Variants in FERMT3 observed in about 807,000 individuals in gnomAD.
The protein encoded by FERMT3 is FERM domain containing kindlin 3, also known as fermitin family homolog 3.
Under a neutral mutation model 80.8 loss-of-function variants are expected in FERMT3, and 33 were observed. The ratio of observed to expected loss-of-function variants is 0.41; its 90% confidence interval spans 0.31 to 0.55. The LOEUF (loss-of-function observed/expected upper bound fraction) is 0.55, where lower values mean the gene tolerates loss of function less well. Among genes scored for constraint, FERMT3 ranks in the 20% least tolerant of loss-of-function variants. FERMT3 has a pLI of 0.31. For missense variants in FERMT3, 754 were observed against 908.7 expected (o/e 0.83, Z 2.19); for synonymous variants, 375 against 372.2 (o/e 1.01, Z -0.09).
At chr11:64,220,123 T>C (rs1946645201) in intron 10 of FERMT3, 97 bp from the exon 11 acceptor site, 2 of 1,576,194 alleles carry the variant, frequency 1.3e-6, no homozygotes, top group African/African-American at 2.7e-5. Context: ...GAAGATGCCC[T>C]CTGTCCTGAG....
intron 6 of FERMT3, among the ~76,000 whole-genome samples, chr11:64,214,119 T>C (rs925759469): frequency 6.6e-6 from 1 of 152,062 alleles, no homozygotes; most frequent in Non-Finnish European, 1.5e-5. Flanking sequence ...AGAGTAACTA[T>C]GATTATTTTT....
chr11:64,211,755 G>A lies in FERMT3; in HGVS notation c.786+8G>A, dbSNP rs376909061. On this transcript the variant is annotated splice_region_variant and intron_variant, in intron 6 of 14. Transcript: ENST00000345728. The surrounding 1 kb of genome is among the most constrained non-coding windows in gnomAD (Gnocchi z 4.7). Reference sequence around the variant, plus strand: ...TTCGATTTGGATCCCAAGGTGGGTCGGGGCAGGGAGAAAGCGGGCCTCAGG... The same window carrying A: ...TTCGATTTGGATCCCAAGGTGGGTCAGGGCAGGGAGAAAGCGGGCCTCAGG... The A allele has an allele frequency of 1.5e-5, 25 of 1,613,796 alleles. No individual in the cohort carries two copies. The highest frequency in any genetic ancestry group is 8.3e-5 in the Admixed American group (5 of 60,006).
rs148559713 is a variant in FERMT3 at position 64,223,066 on chromosome 11, A to G, written c.1689A>G (p.Lys563=). 1.2e-6 allele frequency: 2 copies of G among 1,613,592 alleles called. No homozygotes were observed. The highest frequency in any genetic ancestry group is 1.7e-6 in the Non-Finnish European group (2 of 1,180,040). Residue 563 remains lysine, a synonymous_variant, in exon 14 of 15, where the codon AAA becomes AAG. Transcript: ENST00000345728. The part of the protein sequence containing the change: ...YVMVRFKGSR[K]DEILGIANNR... ...GGGCCAGGTTCAAGGGCAGCAGGAA[A>G]GACGAGATCCTGGGCATCGCCAACA...
In FERMT3 at chr11:64,211,851, C is replaced by A. The variant is rs185358836; in HGVS notation, c.786+104C>A. The A allele has an allele frequency of 4.5e-6, 5 of 1,102,686 alleles. No homozygotes were observed. In the East Asian group the frequency reaches 9.7e-5, roughly 21 times the overall value. 68.3% of individuals were successfully genotyped at this position (1,102,686 alleles called of 1,614,324 possible). ...TGTTAGTGACTTGTAGTGGCCTGTC[C>A]GTCTGCCCGTTTGTCCATCCACACC... is the stretch of plus-strand genomic sequence containing the variant. On this transcript the variant is annotated intron_variant, in intron 6 of 14. Transcript: ENST00000345728. The surrounding 1 kb of genome is among the most constrained non-coding windows in gnomAD (Gnocchi z 4.7).
rs530857898 is a variant in FERMT3 at position 64,210,421 on chromosome 11, A to C, written c.161-190A>C. Among the ~76,000 whole-genome samples the C allele has an allele frequency of 6.6e-6, 1 of 152,324 alleles. No homozygotes were observed. Among genetic ancestry groups the C allele is most frequent in the Admixed American group, 6.5e-5 (1 of 15,308 alleles). The stretch of plus-strand genomic sequence containing the variant: ...GAAGCCAAGCCTAGAAGGCCAAATC[A>C]GGGGCTGCCTGCAGAGAGCCCTGCT... On this transcript the variant is annotated intron_variant, in intron 2 of 14. Coordinates refer to ENST00000345728, the MANE Select transcript of FERMT3 (RefSeq NM_031471.6). The surrounding 1 kb of genome is among the most constrained non-coding windows in gnomAD (Gnocchi z 4.3).
rs138529999 is a variant in FERMT3, at chr11:64,210,281, AGGACAGAGGG to A, written c.161-327_161-318del. Among the ~76,000 whole-genome samples the A allele has an allele frequency of 0.032, 4,798 of 152,258 alleles. 113 individuals are homozygous for A. The highest frequency in any genetic ancestry group is 0.053 in the Non-Finnish European group (3,581 of 68,002). On this transcript the variant is annotated intron_variant, in intron 2 of 14. Transcript: ENST00000345728. This position sits in a 1 kb window ranked among gnomAD's most constrained non-coding sequence, Gnocchi z 4.3. ...AGGCTGTTAAACCGTGGATTATGGG[AGGACAGAGGG>A]GGCGTCATGTGGAGGGAGCCCAGTG...
intron 2 of FERMT3, among the ~76,000 whole-genome samples, chr11:64,208,610 C>T (rs912893001): frequency 6.6e-6 from 1 of 152,240 alleles, no homozygotes; most frequent in African/African-American, 2.4e-5. Flanking sequence ...TGCGTGCCGG[C>T]TGCCGCACAG....
Position 64,211,697 on chromosome 11 carries a change from G to A in FERMT3, c.736G>A (p.Ala246Thr), listed in dbSNP as rs150869428. The A allele has an allele frequency of 3.8e-4, 609 of 1,614,178 alleles. 3 individuals carry two copies. The African/African-American group carries it at 7.3e-3, about 19-fold the overall frequency. The stretch of plus-strand genomic sequence containing the variant: ...GCAGCAGGGCATCAAGGCCGGGGAC[G>A]CACTCTGGCTGCGCTTCAAGTACTA... ...LMQQGIKAGD[A>T]LWLRFKYYSF... is the part of the protein sequence containing the mutation. The change falls in exon 6 of 15, where the codon GCA becomes ACA. Residue 246 changes from alanine to threonine, a missense_variant. By Grantham distance (58) the Ala-to-Thr change is moderately conservative. Coordinates refer to ENST00000345728, the MANE Select transcript of FERMT3 (RefSeq NM_031471.6). This position sits in a 1 kb window ranked among gnomAD's most constrained non-coding sequence, Gnocchi z 4.7.
intron 2 of FERMT3, among the ~76,000 whole-genome samples, chr11:64,209,658 C>T (rs930248509): frequency 3.9e-5 from 6 of 152,114 alleles, no homozygotes; most frequent in Non-Finnish European, 5.9e-5. Flanking sequence ...GGAGGACGAG[C>T]GCTTCTCTTG....
At chr11:64,221,204 T>C (rs1175633180) in intron 13 of FERMT3, 64 bp downstream of exon 13, 3 of 1,533,332 alleles carry the variant, frequency 2.0e-6, no homozygotes, top group Non-Finnish European at 2.7e-6. Context: ...ACCCGGCTGC[T>C]GTGTGCCCAC....
In FERMT3 at chr11:64,210,880, G is replaced by T. The variant is rs778599740; in HGVS notation, c.394+36G>T. 68 of 1,609,350 alleles carry T rather than the reference G, an allele frequency of 4.2e-5. 1 individual carries two copies. Among genetic ancestry groups the T allele is most frequent in the Non-Finnish European group, 4.7e-5 (56 of 1,179,676 alleles). ...CGGCTGATTCCCCTGGCCCACGAGG[G>T]TGATGCAAAGAGGCAGGTTCCCCCG... On this transcript the variant is annotated intron_variant, in intron 3 of 14. Transcript: ENST00000345728. This position sits in a 1 kb window ranked among gnomAD's most constrained non-coding sequence, Gnocchi z 4.3.
chr11:64,216,767 G>GCCT (rs1946561036), intron 6 of FERMT3, among the ~76,000 whole-genome samples: 2 of 140,508 alleles, frequency 1.4e-5, no homozygotes, highest in South Asian at 4.7e-4. Flanking sequence ...CTGCACTCCA[G>GCCT]CCTGGGTGAC....
intron 6 of FERMT3, among the ~76,000 whole-genome samples, chr11:64,212,463 T>A (rs1946463428): frequency 6.6e-6 from 1 of 152,188 alleles, no homozygotes; most frequent in South Asian, 2.1e-4. Context: ...TGGCCATGGC[T>A]ATTCTATATA....
Position 64,219,928 on chromosome 11 carries a change from T to C in FERMT3, c.1117T>C (p.Trp373Arg). Residue 373 changes from tryptophan to arginine, a missense_variant, in exon 10 of 15, where the codon TGG (tryptophan) becomes CGG (arginine). Trp to Arg is a moderately radical substitution (Grantham distance 101). Coordinates refer to ENST00000345728, the MANE Select transcript of FERMT3 (RefSeq NM_031471.6). The surrounding 1 kb of genome is among the most constrained non-coding windows in gnomAD (Gnocchi z 4.0). ...KLTLKGYRQH[W>R]VVFKETTLSY... ...GACCCTGAAGGGCTACCGCCAACAC[T>C]GGGTGGTGTTCAAGGAGACCACACT... The C allele has an allele frequency of 6.2e-7, 1 of 1,613,868 alleles. No individual in the cohort carries two copies. The highest frequency in any genetic ancestry group is 8.5e-7 in the Non-Finnish European group (1 of 1,179,998).
intron 13 of FERMT3, 68 bp from the exon 14 acceptor site, chr11:64,222,980 A>T: frequency 6.2e-7 from 1 of 1,602,774 alleles, no homozygotes; most frequent in Non-Finnish European, 8.5e-7. Flanking sequence ...GCACGGCGCC[A>T]CATTGTCTGG....
upstream of FERMT3, among the ~76,000 whole-genome samples, chr11:64,206,305 C>G (rs1207196429): frequency 1.3e-5 from 2 of 152,214 alleles, no homozygotes; most frequent in Non-Finnish European, 2.9e-5. Context: ...GATAGCCAGG[C>G]TGGAGCCGAT....
At chr11:64,209,987 G>A (rs1379094064) in intron 2 of FERMT3, among the ~76,000 whole-genome samples, 2 of 152,166 alleles carry the variant, frequency 1.3e-5, no homozygotes, top group African/African-American at 4.8e-5. Context: ...CTCATGGATC[G>A]TCATGTGCGT....
In FERMT3 at chr11:64,219,875, C is replaced by T. The variant is rs766312180; in HGVS notation, c.1080-16C>T. 6.2e-7 allele frequency: 1 copy of T among 1,613,898 alleles called. No individual in the cohort carries two copies. The highest frequency in any genetic ancestry group is 1.1e-5 in the South Asian group (1 of 91,082). Reference sequence around the variant, plus strand: ...GGGGTGAGGCGGCCTTTCACAAACCCCAGCATCCCACGAAGGCCCCGGAAG... The same window carrying T: ...GGGGTGAGGCGGCCTTTCACAAACCTCAGCATCCCACGAAGGCCCCGGAAG... On this transcript the variant is annotated splice_polypyrimidine_tract_variant and intron_variant, in intron 9 of 14. Transcript: ENST00000345728. This position sits in a 1 kb window ranked among gnomAD's most constrained non-coding sequence, Gnocchi z 4.0.
intron 6 of FERMT3, among the ~76,000 whole-genome samples, chr11:64,214,888 T>C (rs1946518989): frequency 6.7e-6 from 1 of 150,084 alleles, no homozygotes; most frequent in Admixed American, 6.6e-5. Flanking sequence ...CTGCAACCTC[T>C]GCCTCCTGGG....
Sources: allele counts gnomAD v4.1 joint callset (sites outside exome capture counted in the v4.1 genomes callset), GRCh38; gene constraint gnomAD v4.1.1; non-coding constraint Gnocchi (gnomAD v3.1); transcripts MANE v1.5; gene names NCBI Gene and HGNC (gene_info 2026-07-23, HGNC 2026-07-21).